NDUFS4: variants seen among roughly 807,000 people sequenced by gnomAD.
The protein encoded by NDUFS4 is NADH:ubiquinone oxidoreductase subunit S4, also known as NADH dehydrogenase [ubiquinone] iron-sulfur protein 4, mitochondrial.
NDUFS4 carries 28 observed loss-of-function variants against 24.3 expected under a neutral mutation model. That is an observed-to-expected ratio of 1.15 (90% confidence interval 0.85 to 1.58). NDUFS4 has a LOEUF of 1.58. Among genes scored for constraint, NDUFS4 ranks in the 40% most tolerant of loss-of-function variants. The pLI is 0.00. For synonymous variants in NDUFS4, 93 were observed against 69.7 expected (o/e 1.34, Z -1.67); for missense variants, 223 against 207.9 (o/e 1.07, Z -0.45).
chr5:53,624,240 T>C (rs1436849369), intron 2 of NDUFS4, among the ~76,000 whole-genome samples: 3 of 152,236 alleles, frequency 2.0e-5, no homozygotes, highest in South Asian at 2.1e-4. Context: ...CATACCAAAC[T>C]AATTATTGTA....
At chr5:53,628,137 A>G (rs1751287169) in intron 2 of NDUFS4, among the ~76,000 whole-genome samples, 1 of 152,194 alleles carries the variant, frequency 6.6e-6, no homozygotes, top group Admixed American at 6.5e-5. Context: ...TATTGAGATA[A>G]TCATGTGGTT....
chr5:53,593,332 T>G (rs1398132902), intron 1 of NDUFS4, among the ~76,000 whole-genome samples: 1 of 152,054 alleles, frequency 6.6e-6, no homozygotes, highest in Non-Finnish European at 1.5e-5. Context: ...GTTCATAATA[T>G]TTCCCTGTTT....
intron 2 of NDUFS4, among the ~76,000 whole-genome samples, chr5:53,636,021 C>T (rs958624121): frequency 6.6e-6 from 1 of 152,066 alleles, no homozygotes; most frequent in Admixed American, 6.6e-5. Context: ...GACAGATTAA[C>T]AAGAAAAAAA....
intron 1 of NDUFS4, among the ~76,000 whole-genome samples, chr5:53,574,938 G>A (rs763506134): frequency 7.9e-5 from 12 of 152,114 alleles, no homozygotes; most frequent in Non-Finnish European, 8.8e-5. Context: ...GAAAAGCAAT[G>A]GGTGTTGGCC....
intron 2 of NDUFS4, among the ~76,000 whole-genome samples, chr5:53,621,314 A>G (rs942250935): frequency 1.3e-5 from 2 of 152,102 alleles, no homozygotes; most frequent in Non-Finnish European, 2.9e-5. Flanking sequence ...GTGAGTTTAT[A>G]TTTAAAGTTT....
intron 2 of NDUFS4, among the ~76,000 whole-genome samples, chr5:53,614,118 T>G (rs1378166985): frequency 6.6e-6 from 1 of 151,892 alleles, no homozygotes; most frequent in African/African-American, 2.4e-5. Flanking sequence ...TTAAAATGAA[T>G]TTTTTCTACT....
At chr5:53,562,348 C>T (rs1748877672) in intron 1 of NDUFS4, among the ~76,000 whole-genome samples, 1 of 152,062 alleles carries the variant, frequency 6.6e-6, no homozygotes, top group South Asian at 2.1e-4. Context: ...ATAATGTACT[C>T]ATGGTAGCCC....
intron 2 of NDUFS4, among the ~76,000 whole-genome samples, chr5:53,638,716 A>G (rs1037713812): frequency 2.6e-5 from 4 of 152,116 alleles, no homozygotes; most frequent in Non-Finnish European, 5.9e-5. Context: ...TTAAAAAAAA[A>G]TTATCTTGAT....
intron 2 of NDUFS4, among the ~76,000 whole-genome samples, chr5:53,634,528 T>A (rs774181885): frequency 1.1e-4 from 16 of 152,358 alleles, no homozygotes; most frequent in Non-Finnish European, 2.1e-4. Flanking sequence ...TGAAGAGTAC[T>A]GTTTAATTAA....
intron 2 of NDUFS4, among the ~76,000 whole-genome samples, chr5:53,637,136 C>A (rs915966339): frequency 1.3e-5 from 2 of 152,152 alleles, no homozygotes; most frequent in African/African-American, 2.4e-5. Context: ...CCTCTCGAGA[C>A]TAGAAGGCCA....
At chr5:53,637,379 G>T (rs1751589892) in intron 2 of NDUFS4, among the ~76,000 whole-genome samples, 1 of 152,144 alleles carries the variant, frequency 6.6e-6, no homozygotes, top group Admixed American at 6.5e-5. Flanking sequence ...TTATTTGGTT[G>T]TATTTGAAAA....
At chr5:53,652,009 G>T (rs1037616653) in intron 3 of NDUFS4, among the ~76,000 whole-genome samples, 2 of 152,066 alleles carry the variant, frequency 1.3e-5, no homozygotes, top group East Asian at 3.9e-4. Context: ...TCTTGACCTC[G>T]TGATCCGCCT....
chr5:53,668,395 A>AAAATCAAT (rs1305858166), intron 4 of NDUFS4, among the ~76,000 whole-genome samples: 3 of 152,160 alleles, frequency 2.0e-5, no homozygotes, highest in Non-Finnish European at 4.4e-5. Context: ...AAGATTGTAG[A>AAAATCAAT]AAATCAATAC....
intron 4 of NDUFS4, among the ~76,000 whole-genome samples, chr5:53,676,151 G>A (rs946926873): frequency 6.6e-5 from 10 of 152,194 alleles, no homozygotes; most frequent in African/African-American, 1.9e-4. Context: ...TTTATGTAGG[G>A]TAAAGAAATG....
chr5:53,566,786 TGAAAA>T (rs1373952220), intron 1 of NDUFS4, among the ~76,000 whole-genome samples: 4 of 151,694 alleles, frequency 2.6e-5, no homozygotes, highest in Non-Finnish European at 5.9e-5. Context: ...TAGGAAATAA[TGAAAA>T]GAAAAAAGAC....
At chr5:53,568,736 C>CT (rs1048605440) in intron 1 of NDUFS4, among the ~76,000 whole-genome samples, 3 of 152,062 alleles carry the variant, frequency 2.0e-5, no homozygotes, top group Non-Finnish European at 4.4e-5. Context: ...ATGGAAAAGG[C>CT]TTTTTTAGGA....
intron 3 of NDUFS4, among the ~76,000 whole-genome samples, chr5:53,652,392 TACAGTAATTTC>T (rs1281431874): frequency 6.6e-6 from 1 of 152,144 alleles, no homozygotes; most frequent in Admixed American, 6.6e-5. Flanking sequence ...ACAGTAATTT[TACAGTAATTTC>T]ACAGTAATTT....
chr5:53,643,130 A>G lies in NDUFS4; in HGVS notation c.178-3103A>G, dbSNP rs76326583. 3.6e-3 allele frequency among the ~76,000 whole-genome samples: 555 copies of G among 152,236 alleles called. 19 individuals are homozygous for G. In the East Asian group the frequency reaches 0.075, roughly 20 times the overall value. ...TAGCTTGTTTTATTAGAATTTACAG[A>G]TAATTATTAACTGGTGAGTCTTGAG... On this transcript the variant is annotated intron_variant, in intron 2 of 4. Transcript: ENST00000296684.
At chr5:53,600,197 C>T (rs959332324) in intron 1 of NDUFS4, among the ~76,000 whole-genome samples, 4 of 151,380 alleles carry the variant, frequency 2.6e-5, no homozygotes, top group Non-Finnish European at 5.9e-5. Flanking sequence ...CTGGGTTTCT[C>T]CACGTTGGTC....
Sources: gnomAD v4.1 joint callset for allele counts (sites outside exome capture counted in the v4.1 genomes callset) on GRCh38, gnomAD v4.1.1 for gene constraint, MANE v1.5 for transcripts, NCBI Gene and HGNC (gene_info 2026-07-23, HGNC 2026-07-21) for gene names.